The following CDYL variants were observed in gnomAD, a reference collection of about 807,000 sequenced individuals.
CDYL encodes the protein chromodomain Y-like protein.
Under a neutral mutation model 47.3 loss-of-function variants are expected in CDYL, and 8 were observed. The observed-to-expected ratio is 0.17, with a 90% CI of 0.10 to 0.31. The LOEUF is 0.31. Among genes scored for constraint, CDYL ranks in the 10% least tolerant of loss-of-function variants. The pLI is 1.00. For synonymous variants in CDYL, 266 were observed against 265.0 expected (o/e 1.00, Z -0.04); for missense variants, 471 against 701.4 (o/e 0.67, Z 3.71).
At chr6:4,840,581 G>T (rs891153102) in intron 1 of CDYL, among the ~76,000 whole-genome samples, 1 of 152,106 alleles carries the variant, frequency 6.6e-6, no homozygotes, top group Admixed American at 6.6e-5. Flanking sequence ...CTTCTATGCT[G>T]ATTTTGCTGA....
intron 3 of CDYL, among the ~76,000 whole-genome samples, chr6:4,760,108 A>G (rs1758152052): frequency 6.6e-6 from 1 of 151,710 alleles, no homozygotes; most frequent in Non-Finnish European, 1.5e-5. Context: ...CTTTATCTCC[A>G]TGAACTGACC....
chr6:4,900,816 TATATATATATATATC>T (rs1757021540), intron 2 of CDYL, among the ~76,000 whole-genome samples: 1 of 91,968 alleles, frequency 1.1e-5, no homozygotes, highest in Admixed American at 1.0e-4. Flanking sequence ...TATATATATA[TATATATATATATATC>T]TTGCCTGTTT....
At chr6:4,952,832 A>T (rs1184207750) in intron 6 of CDYL, among the ~76,000 whole-genome samples, 19 of 151,994 alleles carry the variant, frequency 1.3e-4, no homozygotes, top group Non-Finnish European at 2.9e-5. Flanking sequence ...CAGTGGTGGA[A>T]TCTTGGCTCA....
chr6:4,754,235 A>G (rs1470935008), intron 3 of CDYL, among the ~76,000 whole-genome samples: 7 of 152,218 alleles, frequency 4.6e-5, no homozygotes, highest in African/African-American at 1.7e-4. Context: ...TCTTTAAGCA[A>G]ACTATTTTCA....
Position 4,848,701 on chromosome 6 carries a change from A to G in CDYL, c.25-43012A>G, listed in dbSNP as rs11756353. Among the ~76,000 whole-genome samples, 1,109 of 152,352 alleles carry G rather than the reference A, an allele frequency of 7.3e-3. 8 individuals carry two copies. Among genetic ancestry groups the G allele is most frequent in the Non-Finnish European group, 0.011 (774 of 68,024 alleles). ...TTGTGTGGCTATTTATAGCTGCCCAATGGCTTGCGTCTGAGTCTTTATTTG... is the reference window on the plus strand; with the variant it reads ...TTGTGTGGCTATTTATAGCTGCCCAGTGGCTTGCGTCTGAGTCTTTATTTG... On this transcript the variant is annotated intron_variant, in intron 1 of 6. Transcript: ENST00000397588.
At chr6:4,795,384 A>G (rs902428886) in intron 1 of CDYL, among the ~76,000 whole-genome samples, 6 of 152,180 alleles carry the variant, frequency 3.9e-5, no homozygotes, top group Admixed American at 6.5e-5. Flanking sequence ...AATTAGTCAC[A>G]TGAAAGAGAA....
intron 1 of CDYL, among the ~76,000 whole-genome samples, chr6:4,871,410 G>A (rs1761470987): frequency 6.6e-6 from 1 of 152,158 alleles, no homozygotes. Flanking sequence ...TTGGATTTTG[G>A]ATTTTCAGAT....
intron 1 of CDYL, among the ~76,000 whole-genome samples, chr6:4,876,839 A>C (rs1009375001): frequency 2.6e-5 from 4 of 152,226 alleles, no homozygotes; most frequent in Non-Finnish European, 4.4e-5. Flanking sequence ...CAGAGGTAGA[A>C]TGCTGTGTTC....
At chr6:4,947,680 T>C (rs1035706100) in intron 5 of CDYL, among the ~76,000 whole-genome samples, 1 of 152,172 alleles carries the variant, frequency 6.6e-6, no homozygotes, top group African/African-American at 2.4e-5. Context: ...ACTCCCCTCG[T>C]CACAAGGTGG....
At chr6:4,902,591 G>C (rs1757102334) in intron 2 of CDYL, among the ~76,000 whole-genome samples, 1 of 152,098 alleles carries the variant, frequency 6.6e-6, no homozygotes, top group Admixed American at 6.6e-5. Flanking sequence ...TCCTCTTTTT[G>C]AATAGGTGTT....
Position 4,912,919 on chromosome 6 carries a change from C to G in CDYL, c.691+20540C>G, listed in dbSNP as rs549569936. Reference sequence around the variant, plus strand: ...CTCTTAAAGGCCCCTCGTCTCAATACTGCCACACTGGGGGTTACATTTCAG... The same window carrying G: ...CTCTTAAAGGCCCCTCGTCTCAATAGTGCCACACTGGGGGTTACATTTCAG... On this transcript the variant is annotated intron_variant, in intron 2 of 6. Coordinates refer to ENST00000397588, the MANE Select transcript of CDYL (RefSeq NM_004824.4). Among the ~76,000 whole-genome samples the G allele has an allele frequency of 7.9e-5, 12 of 152,352 alleles. No homozygotes were observed. The South Asian group carries it at 1.9e-3, about 24-fold the overall frequency.
At chr6:4,729,319 G>A (rs6937781) in intron 2 of CDYL, among the ~76,000 whole-genome samples, 65,627 of 151,564 alleles carry the variant, frequency 0.43, 15,011 homozygotes, top group African/African-American at 0.6. Flanking sequence ...GCCTTTTTCC[G>A]ATCTATTTTC....
chr6:4,738,955 A>T (rs1371416153), intron 3 of CDYL, among the ~76,000 whole-genome samples: 1 of 152,144 alleles, frequency 6.6e-6, no homozygotes, highest in Non-Finnish European at 1.5e-5. Flanking sequence ...TGAGGTTGGG[A>T]GTTCAAGCCC....
At chr6:4,778,355 C>A (rs775952609) in intron 1 of CDYL, among the ~76,000 whole-genome samples, 2 of 152,134 alleles carry the variant, frequency 1.3e-5, no homozygotes, top group Non-Finnish European at 2.9e-5. Context: ...TAAGTTGTAT[C>A]CTATGTGTGT....
intron 1 of CDYL, among the ~76,000 whole-genome samples, chr6:4,780,013 A>G (rs1758568370): frequency 6.6e-6 from 1 of 152,166 alleles, no homozygotes; most frequent in African/African-American, 2.4e-5. Context: ...AGGTTCCACA[A>G]AAATAGGCAG....
chr6:4,950,894 T>TGCACTCCAGCCTGGGCGACAGAAGG (rs1162798636), intron 5 of CDYL, among the ~76,000 whole-genome samples: 27 of 146,264 alleles, frequency 1.8e-4, no homozygotes, highest in Non-Finnish European at 3.6e-4. Context: ...ATTGCACCAC[T>TGCACTCCAGCCTGGGCGACAGAAGG]GCACTCCAGC....
chr6:4,850,401 C>T (rs188860290), intron 1 of CDYL, among the ~76,000 whole-genome samples: 2 of 152,204 alleles, frequency 1.3e-5, no homozygotes, highest in Admixed American at 1.3e-4. Context: ...CTAGAAAAGT[C>T]GATGTTTTAG....
At chr6:4,773,411 A>G (rs1048407779), upstream of CDYL, among the ~76,000 whole-genome samples, 1 of 152,340 alleles carries the variant, frequency 6.6e-6, no homozygotes, top group East Asian at 1.9e-4. The surrounding 1 kb of genome is among the most constrained non-coding windows in gnomAD (Gnocchi z 4.6). Flanking sequence ...TGGAAACTAC[A>G]GAACTTCACT....
At chr6:4,757,522 A>G (rs1758093311) in intron 3 of CDYL, among the ~76,000 whole-genome samples, 1 of 152,218 alleles carries the variant, frequency 6.6e-6, no homozygotes, top group Admixed American at 6.5e-5. Flanking sequence ...TCTTTGTTTT[A>G]GAGTTGAGAA....
Sources: allele counts gnomAD v4.1 joint callset (sites outside exome capture counted in the v4.1 genomes callset), GRCh38; gene constraint gnomAD v4.1.1; non-coding constraint Gnocchi (gnomAD v3.1); transcripts MANE v1.5; gene names NCBI Gene and HGNC (gene_info 2026-07-23, HGNC 2026-07-21).